SGCZ: variants seen among roughly 807,000 people sequenced by gnomAD.
SGCZ encodes sarcoglycan zeta.
Under a neutral mutation model 41.3 loss-of-function variants are expected in SGCZ, and 40 were observed. The observed-to-expected ratio is 0.97, with a 90% CI of 0.75 to 1.26. The LOEUF is 1.26. Among genes scored for constraint, SGCZ ranks in the 50% most tolerant of loss-of-function variants. SGCZ has a pLI of 0.00. For synonymous variants in SGCZ, 206 were observed against 137.5 expected, an observed-to-expected ratio of 1.50 and a Z score of -3.49; for missense variants, 552 against 369.8, an observed-to-expected ratio of 1.49 and a Z score of -4.04.
intron 5 of SGCZ, among the ~76,000 whole-genome samples, chr8:14,149,832 T>C (rs944263080): frequency 4.0e-5 from 6 of 151,828 alleles, no homozygotes; most frequent in Admixed American, 6.6e-5. Context: ...AACAGACACA[T>C]AGACAAATAA....
chr8:14,568,450 A>C (rs1430190043), intron 1 of SGCZ, among the ~76,000 whole-genome samples: 1 of 151,850 alleles, frequency 6.6e-6, no homozygotes, highest in Non-Finnish European at 1.5e-5. Context: ...ATCAGAAAAA[A>C]AAAAAAAAAA....
intron 1 of SGCZ, among the ~76,000 whole-genome samples, chr8:15,171,403 C>A (rs1213068391): frequency 1.3e-5 from 2 of 152,090 alleles, no homozygotes; most frequent in Non-Finnish European, 2.9e-5. Flanking sequence ...TGTTTTATTG[C>A]ATTTTATTTA....
chr8:14,393,711 C>G (rs2117224188), intron 2 of SGCZ, among the ~76,000 whole-genome samples: 1 of 152,208 alleles, frequency 6.6e-6, no homozygotes, highest in East Asian at 1.9e-4. Context: ...TGCCCATGTT[C>G]TAAATTTTCC....
At chr8:14,808,474 A>T (rs1276463604) in intron 1 of SGCZ, among the ~76,000 whole-genome samples, 1 of 152,218 alleles carries the variant, frequency 6.6e-6, no homozygotes, top group East Asian at 1.9e-4. Context: ...CAAAAAACAC[A>T]TGAAAAAATG....
intron 1 of SGCZ, among the ~76,000 whole-genome samples, chr8:14,576,620 A>G (rs1209228905): frequency 6.6e-6 from 1 of 152,206 alleles, no homozygotes; most frequent in Non-Finnish European, 1.5e-5. Flanking sequence ...AGGGACCTGG[A>G]GACATTTGCT....
intron 2 of SGCZ, among the ~76,000 whole-genome samples, chr8:14,551,116 CTTT>C (rs75142255): frequency 2.2e-5 from 3 of 137,576 alleles, no homozygotes; most frequent in Admixed American, 7.4e-5. Flanking sequence ...TATTGTAATT[CTTT>C]TTTTTTTTTT....
intron 1 of SGCZ, among the ~76,000 whole-genome samples, chr8:15,142,547 C>G (rs17655719): frequency 1.3e-5 from 2 of 152,068 alleles, no homozygotes; most frequent in Non-Finnish European, 2.9e-5. Context: ...GAGCACACTA[C>G]TAACCCTGGG....
At chr8:14,168,142 C>T (rs1284325265) in intron 4 of SGCZ, among the ~76,000 whole-genome samples, 1 of 151,976 alleles carries the variant, frequency 6.6e-6, no homozygotes, top group Non-Finnish European at 1.5e-5. Flanking sequence ...TTTTCAAGGC[C>T]TTGAAGAATA....
chr8:14,120,545 T>A (rs1046534810), intron 5 of SGCZ, among the ~76,000 whole-genome samples: 1 of 152,120 alleles, frequency 6.6e-6, no homozygotes, highest in African/African-American at 2.4e-5. Flanking sequence ...TATATATAGT[T>A]CTTGTCTTAC....
intron 1 of SGCZ, among the ~76,000 whole-genome samples, chr8:14,713,338 G>T (rs1809582667): frequency 6.6e-6 from 1 of 152,244 alleles, no homozygotes; most frequent in African/African-American, 2.4e-5. Flanking sequence ...CAATGTTACA[G>T]TGTTACATAA....
intron 4 of SGCZ, among the ~76,000 whole-genome samples, chr8:14,216,658 T>A (rs1806003513): frequency 6.6e-6 from 1 of 151,770 alleles, no homozygotes; most frequent in African/African-American, 2.4e-5. Flanking sequence ...CATTAACGGA[T>A]CCAGAAAAAT....
chr8:14,796,887 GA>G (rs1337208706), intron 1 of SGCZ, among the ~76,000 whole-genome samples: 1 of 152,136 alleles, frequency 6.6e-6, no homozygotes, highest in African/African-American at 2.4e-5. Context: ...TTTATAAGGG[GA>G]TTCCCCCTTC....
chr8:14,781,468 A>T (rs1049857986), intron 1 of SGCZ, among the ~76,000 whole-genome samples: 1 of 152,118 alleles, frequency 6.6e-6, no homozygotes, highest in East Asian at 1.9e-4. Flanking sequence ...GACTCAAGCA[A>T]TCTGCCCATC....
rs149435145 is a variant in SGCZ, at chr8:14,828,395, A to G, written c.40-273469T>C. Among the ~76,000 whole-genome samples the G allele has an allele frequency of 3.9e-5, 6 of 152,352 alleles. No homozygotes were observed. In the East Asian group the frequency reaches 1.2e-3, roughly 29 times the overall value. On this transcript the variant is annotated intron_variant, in intron 1 of 7. Transcript: ENST00000382080. ...CAACACTGACATTTCAATTGGTTCCACTTACACCATTCGGACTAAAAAATT... is the reference window on the plus strand; with the variant it reads ...CAACACTGACATTTCAATTGGTTCCGCTTACACCATTCGGACTAAAAAATT...
At chr8:14,300,544 T>G (rs560879076) in intron 3 of SGCZ, among the ~76,000 whole-genome samples, 9 of 152,090 alleles carry the variant, frequency 5.9e-5, no homozygotes, top group African/African-American at 2.2e-4. Flanking sequence ...GCCTAAAAAT[T>G]TTTTAATAGT....
At chr8:14,449,152 A>AT (rs1438787149) in intron 2 of SGCZ, among the ~76,000 whole-genome samples, 1 of 152,108 alleles carries the variant, frequency 6.6e-6, no homozygotes, top group Admixed American at 6.5e-5. Flanking sequence ...TGTACAAATG[A>AT]TTTTACCAAC....
intron 1 of SGCZ, among the ~76,000 whole-genome samples, chr8:14,776,837 G>T (rs778869528): frequency 1.4e-4 from 22 of 152,050 alleles, no homozygotes; most frequent in Non-Finnish European, 2.8e-4. Context: ...AGTAGAAATG[G>T]TTAAACTCTT....
intron 1 of SGCZ, among the ~76,000 whole-genome samples, chr8:14,766,372 T>G (rs1191820924): frequency 6.6e-6 from 1 of 152,082 alleles, no homozygotes; most frequent in Non-Finnish European, 1.5e-5. Flanking sequence ...TCTGGAGAAA[T>G]GTAACTCAAA....
At chr8:14,515,390 G>C (rs1385144684) in intron 2 of SGCZ, among the ~76,000 whole-genome samples, 1 of 152,038 alleles carries the variant, frequency 6.6e-6, no homozygotes, top group Non-Finnish European at 1.5e-5. Context: ...AATAGCAGGA[G>C]GGATATCAAG....
Sources: allele counts gnomAD v4.1 joint callset (sites outside exome capture counted in the v4.1 genomes callset), GRCh38; gene constraint gnomAD v4.1.1; transcripts MANE v1.5; gene names NCBI Gene and HGNC (gene_info 2026-07-23, HGNC 2026-07-21).